Variants in UTRN observed in about 807,000 individuals in gnomAD.
The protein encoded by UTRN is utrophin.
UTRN carries 283 observed loss-of-function variants against 463.9 expected under a neutral mutation model. That is an observed-to-expected ratio of 0.61 (90% confidence interval 0.55 to 0.67). UTRN has a LOEUF of 0.67. UTRN is among the 30% of genes least tolerant of loss of function. UTRN has a pLI of 0.00. For missense variants in UTRN, 3,922 were observed against 4,084.3 expected, an observed-to-expected ratio of 0.96 and a Z score of 1.08; for synonymous variants, 1,442 against 1,431.5, an observed-to-expected ratio of 1.01 and a Z score of -0.17.
At chr6:144,311,584 G>T (rs929202235) in intron 2 of UTRN, 19 of 152,232 alleles carry the variant, frequency 1.2e-4, no homozygotes, top group Non-Finnish European at 2.6e-4. Context: ...TGATTTGTTT[G>T]TAAGGTAAGG....
At chr6:144,723,108 A>G (rs1787389858) in intron 53 of UTRN, among the ~76,000 whole-genome samples, 1 of 152,220 alleles carries the variant, frequency 6.6e-6, no homozygotes, top group Admixed American at 6.5e-5. Context: ...AGGAAGACAG[A>G]GTGAATCCAT....
rs186707032 is a variant in UTRN, at chr6:144,425,302, G to A, written c.406-985G>A. On this transcript the variant is annotated intron_variant, in intron 6 of 74. Coordinates refer to ENST00000367545, the MANE Select transcript of UTRN (RefSeq NM_007124.3). ...AGTTCTTCTTAGTGCATCATATCGGGGATAGGTGATATCTGTTCTTTTTCT... is the reference window on the plus strand; with the variant it reads ...AGTTCTTCTTAGTGCATCATATCGGAGATAGGTGATATCTGTTCTTTTTCT... Among the ~76,000 whole-genome samples, 120 of 152,146 alleles carry A rather than the reference G, an allele frequency of 7.9e-4. No individual in the cohort carries two copies. In the East Asian group the frequency reaches 0.019, roughly 24 times the overall value.
intron 52 of UTRN, among the ~76,000 whole-genome samples, chr6:144,698,013 T>C (rs1174056682): frequency 6.6e-6 from 1 of 152,192 alleles, no homozygotes; most frequent in African/African-American, 2.4e-5. Context: ...ACGGAGACAC[T>C]CAAGTGCTTC....
chr6:144,826,635 G>C (rs1198143057), intron 66 of UTRN, among the ~76,000 whole-genome samples: 1 of 152,074 alleles, frequency 6.6e-6, no homozygotes, highest in African/African-American at 2.4e-5. Flanking sequence ...CCAGACACAA[G>C]CCCCTGAGTC....
chr6:144,321,809 A>G (rs893446543), intron 2 of UTRN, among the ~76,000 whole-genome samples: 1 of 141,648 alleles, frequency 7.1e-6, no homozygotes, highest in Non-Finnish European at 1.5e-5. Context: ...TCTATTTCCC[A>G]GGCTGAAGTA....
chr6:144,514,505 A>G, intron 36 of UTRN, 145 bp from the exon 37 acceptor site: 5 of 798,756 alleles, frequency 6.3e-6, no homozygotes, highest in Non-Finnish European at 9.8e-6. Flanking sequence ...CTATGTGAAC[A>G]GCTCTCACCT....
intron 50 of UTRN, among the ~76,000 whole-genome samples, chr6:144,561,586 T>C (rs1295419834): frequency 6.6e-6 from 1 of 152,100 alleles, no homozygotes; most frequent in African/African-American, 2.4e-5. Flanking sequence ...TTTCTAGGTT[T>C]GTACAGGCAG....
chr6:144,426,287 G>A lies in UTRN; in HGVS notation c.406G>A (p.Val136Met), dbSNP rs545042280. The change falls in exon 7 of 75, where the codon GTG (valine) becomes ATG (methionine). Residue 136 changes from valine to methionine, a missense_variant and splice_region_variant. Val to Met is a conservative substitution (Grantham distance 21, BLOSUM62 1). Transcript: ENST00000367545. Reference sequence around the variant, plus strand: ...GACAGGCCTGGTTTCTCTTACATAGGTGAAAGATGTCATGAAGGATGTCAT... The same window carrying A: ...GACAGGCCTGGTTTCTCTTACATAGATGAAAGATGTCATGAAGGATGTCAT... ...LLWSIILHWQ[V>M]KDVMKDVMSD... 1 of 1,611,846 alleles carries A rather than the reference G, an allele frequency of 6.2e-7. No individual in the cohort carries two copies. Among genetic ancestry groups the A allele is most frequent in the African/African-American group, 1.3e-5 (1 of 74,886 alleles).
intron 66 of UTRN, among the ~76,000 whole-genome samples, chr6:144,823,773 G>A (rs1779795309): frequency 6.6e-6 from 1 of 152,118 alleles, no homozygotes; most frequent in Non-Finnish European, 1.5e-5. Flanking sequence ...AGTAGCAAAA[G>A]TAATTCAAGG....
At chr6:144,699,402 T>G (rs1036936585) in intron 52 of UTRN, among the ~76,000 whole-genome samples, 6 of 144,706 alleles carry the variant, frequency 4.1e-5, no homozygotes, top group African/African-American at 1.5e-4. Context: ...ATTGCGCCAC[T>G]GCACTCCAGC....
chr6:144,728,194 AT>A (rs1333303079), intron 53 of UTRN, among the ~76,000 whole-genome samples: 3 of 152,018 alleles, frequency 2.0e-5, no homozygotes, highest in South Asian at 2.1e-4. Flanking sequence ...ATTAAAAAAA[AT>A]AATTTTGCTA....
At chr6:144,427,380 A>G (rs1169226900) in intron 7 of UTRN, among the ~76,000 whole-genome samples, 3 of 152,232 alleles carry the variant, frequency 2.0e-5, no homozygotes, top group African/African-American at 7.2e-5. Flanking sequence ...AAAGTGCAAT[A>G]GACTTTTCTA....
In UTRN at chr6:144,583,363, C is replaced by T. The variant is rs1802162603; in HGVS notation, c.7479+6075C>T. On this transcript the variant is annotated intron_variant, in intron 51 of 74. Transcript: ENST00000367545. The stretch of plus-strand genomic sequence containing the variant: ...TTTCCTAGAACCTAACCCCCTGTAT[C>T]TTTCAAATGCTTTCCTGGAAACGAG... 9 of 526,802 alleles carry T rather than the reference C, an allele frequency of 1.7e-5. No homozygotes were observed. The South Asian group carries it at 2.5e-4, about 15-fold the overall frequency. 32.6% of individuals were successfully genotyped at this position (526,802 alleles called of 1,614,324 possible).
At chr6:144,746,283 G>C (rs1447699642) in intron 54 of UTRN, among the ~76,000 whole-genome samples, 1 of 151,388 alleles carries the variant, frequency 6.6e-6, no homozygotes, top group South Asian at 2.1e-4. Context: ...AATTACAGGC[G>C]TGAGCTACCG....
intron 58 of UTRN, among the ~76,000 whole-genome samples, chr6:144,760,714 G>A (rs544497117): frequency 1.1e-3 from 162 of 152,238 alleles, no homozygotes; most frequent in Middle Eastern, 3.4e-3. Flanking sequence ...TTCCCTTTGC[G>A]TGGCTTCAAA....
At chr6:144,606,964 A>G (rs889686294) in intron 51 of UTRN, among the ~76,000 whole-genome samples, 3 of 152,244 alleles carry the variant, frequency 2.0e-5, no homozygotes, top group Non-Finnish European at 4.4e-5. Context: ...GCTCCACCAC[A>G]TGATGTCCTT....
intron 64 of UTRN, 24 bp downstream of exon 64, chr6:144,798,014 A>C: frequency 1.9e-6 from 3 of 1,613,430 alleles, no homozygotes; most frequent in Non-Finnish European, 2.5e-6. Flanking sequence ...GTGCTGGAGG[A>C]GGCTATTTTC....
chr6:144,760,539 T>C (rs911212805), intron 58 of UTRN, among the ~76,000 whole-genome samples: 4 of 152,186 alleles, frequency 2.6e-5, no homozygotes, highest in African/African-American at 9.6e-5. Flanking sequence ...GGATCTTTCA[T>C]TGTGTAATTT....
intron 2 of UTRN, among the ~76,000 whole-genome samples, chr6:144,368,215 G>A (rs1479602528): frequency 6.6e-6 from 1 of 152,142 alleles, no homozygotes; most frequent in Non-Finnish European, 1.5e-5. Flanking sequence ...GGACATTGAA[G>A]ATAACCTAAT....
Sources: gnomAD v4.1 joint callset for allele counts (sites outside exome capture counted in the v4.1 genomes callset) on GRCh38, gnomAD v4.1.1 for gene constraint, MANE v1.5 for transcripts, NCBI Gene and HGNC (gene_info 2026-07-23, HGNC 2026-07-21) for gene names.